NTRK3: variants seen among roughly 807,000 people sequenced by gnomAD.
The protein encoded by NTRK3 is NT-3 growth factor receptor.
In NTRK3, 24 loss-of-function variants were observed where a neutral mutation model predicts 91.7. That is an observed-to-expected ratio of 0.26 (90% confidence interval 0.19 to 0.37). The LOEUF (loss-of-function observed/expected upper bound fraction) is 0.37, where lower values mean the gene tolerates loss of function less well. NTRK3 is among the 10% of genes least tolerant of loss of function. NTRK3 has a pLI of 1.00. For missense variants in NTRK3, 880 were observed against 1,068.9 expected, an observed-to-expected ratio of 0.82 and a Z score of 2.46; for synonymous variants, 483 against 404.0, an observed-to-expected ratio of 1.20 and a Z score of -2.34.
At position 88,237,110 on chromosome 15, in the gene NTRK3, T is replaced by G. The variant is rs1401924460; in HGVS notation, c.248+18796A>C. On this transcript the variant is annotated intron_variant, in intron 3 of 18. Coordinates refer to ENST00000394480, the Ensembl canonical transcript of NTRK3. The surrounding 1 kb of genome is among the most constrained non-coding windows in gnomAD (Gnocchi z 4.0). ...GCATGCCAACATCTAAAATTTACTC[T>G]GAAATGCATCAGAAAAATAGGATGG... 6.6e-6 allele frequency among the ~76,000 whole-genome samples: 1 copy of G among 152,194 alleles called. No homozygotes were observed. Among genetic ancestry groups the G allele is most frequent in the Non-Finnish European group, 1.5e-5 (1 of 68,030 alleles).
intron 18 of NTRK3, among the ~76,000 whole-genome samples, chr15:87,879,815 C>T (rs1228012872): frequency 6.6e-6 from 1 of 152,014 alleles, no homozygotes; most frequent in Non-Finnish European, 1.5e-5. Flanking sequence ...TCACACATGA[C>T]TCTACCAGTT....
chr15:88,082,211 G>C (rs1320219051), intron 13 of NTRK3, among the ~76,000 whole-genome samples: 1 of 151,374 alleles, frequency 6.6e-6, no homozygotes. Context: ...CCGGGAGGTG[G>C]AGCTTGCAGT....
intron 17 of NTRK3, among the ~76,000 whole-genome samples, chr15:87,897,956 C>T (rs987398897): frequency 6.6e-6 from 1 of 152,202 alleles, no homozygotes; most frequent in Non-Finnish European, 1.5e-5. Flanking sequence ...CTCTGGAAGA[C>T]TTGACTTCCT....
chr15:87,949,745 A>G (rs943193112), intron 14 of NTRK3, among the ~76,000 whole-genome samples: 1 of 152,094 alleles, frequency 6.6e-6, no homozygotes, highest in Non-Finnish European at 1.5e-5. Flanking sequence ...CCTGGTCTCT[A>G]TATTCTGTTG....
chr15:88,058,026 G>A lies in NTRK3; in HGVS notation c.1397-24981C>T, dbSNP rs139713568. Among the ~76,000 whole-genome samples the A allele has an allele frequency of 5.3e-5, 8 of 152,348 alleles. No individual in the cohort carries two copies. The East Asian group carries it at 5.8e-4, about 11-fold the overall frequency. ...CAGATGCTCAGACCCCAGAAGCCAC[G>A]GGGTGACAAAGCTCGCTCTCTCTGG... On this transcript the variant is annotated intron_variant, in intron 13 of 18. Coordinates refer to ENST00000394480, the Ensembl canonical transcript of NTRK3.
At chr15:88,208,766 T>C (rs1456517136) in intron 3 of NTRK3, among the ~76,000 whole-genome samples, 2 of 152,222 alleles carry the variant, frequency 1.3e-5, no homozygotes, top group African/African-American at 4.8e-5. Context: ...CAGTGCTGGC[T>C]GCACATCAAA....
In NTRK3 at chr15:88,194,749, TG is replaced by T. The variant is rs374368867; in HGVS notation, c.249-10451del. 2.2e-3 allele frequency among the ~76,000 whole-genome samples: 342 copies of T among 152,276 alleles called. 6 individuals are homozygous for T. Among genetic ancestry groups the T allele is most frequent in the East Asian group, 0.022 (116 of 5,178 alleles). ...TAGTGGCTTCTCCTGCACTTGGACT[TG>T]GGGGAAAATTCTGACTCCACCATGA... is the stretch of plus-strand genomic sequence containing the variant. On this transcript the variant is annotated intron_variant, in intron 3 of 18. Transcript: ENST00000394480.
At chr15:88,011,841 C>G (rs200192205) in intron 14 of NTRK3, among the ~76,000 whole-genome samples, 8 of 152,198 alleles carry the variant, frequency 5.3e-5, no homozygotes, top group Admixed American at 2.0e-4. Context: ...AAGTGAATTT[C>G]TTCTGTAGTA....
chr15:87,861,682 G>A (rs1426773011), exon 19 of NTRK3: 2 of 195,272 alleles, frequency 1.0e-5, no homozygotes, highest in African/African-American at 4.6e-5. Context: ...GTGTTTGTAG[G>A]GCATTTGCCT....
chr15:88,237,663 T>A lies in NTRK3; in HGVS notation c.248+18243A>T, dbSNP rs144598439. Among the ~76,000 whole-genome samples the A allele has an allele frequency of 5.6e-4, 85 of 152,272 alleles. 1 individual carries two copies. Among genetic ancestry groups the A allele is most frequent in the African/African-American group, 1.9e-3 (81 of 41,542 alleles). On this transcript the variant is annotated intron_variant, in intron 3 of 18. Coordinates refer to ENST00000394480, the Ensembl canonical transcript of NTRK3. This position sits in a 1 kb window ranked among gnomAD's most constrained non-coding sequence, Gnocchi z 4.0. ...GCGTGTGTCCTTCCCTTTATCCACC[T>A]CTATTCCACCTAAGACCGTGCAACT...
In NTRK3 at chr15:88,154,873, G is replaced by A. The variant is rs74027776; in HGVS notation, c.396-7470C>T. Among the ~76,000 whole-genome samples, 946 of 152,292 alleles carry A rather than the reference G, an allele frequency of 6.2e-3. 16 individuals are homozygous for A. Among genetic ancestry groups the A allele is most frequent in the African/African-American group, 0.022 (907 of 41,550 alleles). The stretch of plus-strand genomic sequence containing the variant: ...CTGTAAGAGAAGGACCTGGCAAACT[G>A]TGTCTCTCAAACTTACTGGAGCATA... On this transcript the variant is annotated intron_variant, in intron 5 of 18. Coordinates refer to ENST00000394480, the Ensembl canonical transcript of NTRK3.
intron 3 of NTRK3, among the ~76,000 whole-genome samples, chr15:88,246,171 AGCACCT>A (rs1222645190): frequency 6.6e-6 from 1 of 152,226 alleles, no homozygotes; most frequent in Non-Finnish European, 1.5e-5. Flanking sequence ...GGAACAAGAC[AGCACCT>A]GCTCAAATAC....
chr15:87,912,931 AAT>A (rs58367924), intron 17 of NTRK3, among the ~76,000 whole-genome samples: 70 of 36,486 alleles, frequency 1.9e-3, no homozygotes, highest in East Asian at 4.8e-3. Flanking sequence ...AGTAAAAAAA[AAT>A]ATATATATAT....
exon 19 of NTRK3, chr15:87,860,328 T>A (rs1013244203): frequency 4.6e-6 from 1 of 215,140 alleles, no homozygotes; most frequent in East Asian, 6.8e-5. Context: ...TAATACAATT[T>A]AAAAAAATAA....
chr15:88,135,558 T>G (rs1277171807), intron 9 of NTRK3, among the ~76,000 whole-genome samples, 161 bp from the exon 10 acceptor site: 4 of 152,134 alleles, frequency 2.6e-5, no homozygotes, highest in African/African-American at 9.7e-5. Context: ...GGGGAAGAGA[T>G]GTCTGTCTTT....
chr15:87,867,258 G>C (rs2141393420), exon 19 of NTRK3: 1 of 226,302 alleles, frequency 4.4e-6, no homozygotes, highest in South Asian at 1.8e-4. Context: ...TAAATCCCAA[G>C]CTTGGTTGAT....
intron 17 of NTRK3, among the ~76,000 whole-genome samples, chr15:87,890,500 T>C (rs2065799886): frequency 6.6e-6 from 1 of 152,070 alleles, no homozygotes; most frequent in South Asian, 2.1e-4. Context: ...ATTCATCCCA[T>C]AGCATCCTCC....
At chr15:87,891,031 TTC>T (rs1036358208) in intron 17 of NTRK3, among the ~76,000 whole-genome samples, 5 of 152,224 alleles carry the variant, frequency 3.3e-5, no homozygotes, top group Non-Finnish European at 5.9e-5. Flanking sequence ...TATGTTTGTG[TTC>T]TTTCTCATGC....
chr15:88,112,107 A>T (rs371853463), intron 13 of NTRK3, among the ~76,000 whole-genome samples: 318 of 151,970 alleles, frequency 2.1e-3, no homozygotes, highest in African/African-American at 5.6e-3. Context: ...AGGGTTTCAC[A>T]ATGTTAGCCA....
Sources: allele counts gnomAD v4.1 joint callset (sites outside exome capture counted in the v4.1 genomes callset), GRCh38; gene constraint gnomAD v4.1.1; non-coding constraint Gnocchi (gnomAD v3.1); transcripts MANE v1.5; gene names NCBI Gene and HGNC (gene_info 2026-07-23, HGNC 2026-07-21).